The following NCAPG2 variants were observed in gnomAD, a reference collection of about 807,000 sequenced individuals.
NCAPG2 encodes non-SMC condensin II complex subunit G2.
A neutral mutation model predicts 141.1 loss-of-function variants in NCAPG2; 53 were observed. That is an observed-to-expected ratio of 0.38 (90% confidence interval 0.30 to 0.47). The LOEUF (loss-of-function observed/expected upper bound fraction) is 0.47. Ranked by LOEUF, NCAPG2 falls within the 20% of genes least tolerant of loss-of-function variation. The pLI, the probability that NCAPG2 is intolerant of heterozygous loss-of-function variation, is 0.99. For synonymous variants in NCAPG2, 499 were observed against 490.7 expected, an observed-to-expected ratio of 1.02 and a Z score of -0.22; for missense variants, 1,087 against 1,389.0, an observed-to-expected ratio of 0.78 and a Z score of 3.46.
At chr7:158,638,399 C>T (rs1470603616) in intron 27 of NCAPG2, among the ~76,000 whole-genome samples, 2 of 151,972 alleles carry the variant, frequency 1.3e-5, no homozygotes, top group South Asian at 2.1e-4. Context: ...GCTACCACAC[C>T]TGTCTAATAT....
intron 24 of NCAPG2, 81 bp from the exon 25 acceptor site, chr7:158,646,644 A>G: frequency 1.1e-6 from 1 of 878,482 alleles, no homozygotes; most frequent in Non-Finnish European, 1.7e-6. Context: ...GGTTTTCTTC[A>G]ACACCTAAGA....
At chr7:158,689,571 T>C (rs1354487446) in intron 6 of NCAPG2, among the ~76,000 whole-genome samples, 3 of 152,384 alleles carry the variant, frequency 2.0e-5, no homozygotes, top group South Asian at 4.1e-4. Context: ...ATTCTTAATT[T>C]AAAATGTAAT....
chr7:158,676,067 C>A (rs766701882), intron 11 of NCAPG2, among the ~76,000 whole-genome samples: 1 of 152,150 alleles, frequency 6.6e-6, no homozygotes, highest in Non-Finnish European at 1.5e-5. Flanking sequence ...AGGCCATGAT[C>A]GTCAGTGGTA....
intron 16 of NCAPG2, among the ~76,000 whole-genome samples, chr7:158,659,294 A>G (rs947565847): frequency 1.4e-5 from 2 of 142,990 alleles, no homozygotes; most frequent in Non-Finnish European, 3.0e-5. Context: ...GTGCCACTGC[A>G]CTCCAGCCTG....
intron 27 of NCAPG2, chr7:158,640,302 G>A (rs1193008087): frequency 6.6e-6 from 1 of 152,204 alleles, no homozygotes; most frequent in Non-Finnish European, 1.5e-5. Flanking sequence ...TTGAGAAGCT[G>A]AGGCGAGTAG....
chr7:158,691,821 T>C lies in NCAPG2; in HGVS notation c.382+1021A>G, dbSNP rs548351467. On this transcript the variant is annotated intron_variant, in intron 4 of 27. Coordinates refer to ENST00000356309, the MANE Select transcript of NCAPG2 (RefSeq NM_017760.7). ...GTTCACAACATACTTTAAGAAAAAA[T>C]TCAGTGTCACAAATTCTTAGTTAAG... 3.1e-4 allele frequency among the ~76,000 whole-genome samples: 47 copies of C among 152,276 alleles called. 2 individuals carry two copies. In the South Asian group the frequency reaches 9.3e-3, roughly 30 times the overall value.
intron 15 of NCAPG2, among the ~76,000 whole-genome samples, chr7:158,663,477 T>C (rs1480728496): frequency 6.6e-6 from 1 of 152,108 alleles, no homozygotes; most frequent in Non-Finnish European, 1.5e-5. Flanking sequence ...TGGTGGGAGA[T>C]GGAGGAGAAA....
At position 158,640,532 on chromosome 7, in the gene NCAPG2, C is replaced by CA. The variant is rs541066321; in HGVS notation, c.3380+3756dup. Reference sequence around the variant, plus strand: ...TAGGCAACAGAGCAAGACTCTGTCTCAAAAAATAATAATAATAAATTAAAT... The same window carrying CA: ...TAGGCAACAGAGCAAGACTCTGTCTCAAAAAAATAATAATAATAAATTAAAT... On this transcript the variant is annotated intron_variant, in intron 27 of 27. Transcript: ENST00000356309. 2.2e-4 allele frequency: 33 copies of CA among 151,896 alleles called. No homozygotes were observed. In the East Asian group the frequency reaches 5.4e-3, roughly 25 times the overall value. 9.4% of individuals were successfully genotyped at this position (151,896 alleles called of 1,614,324 possible).
At chr7:158,689,708 C>T in intron 6 of NCAPG2, 111 bp downstream of exon 6, 1 of 999,984 alleles carries the variant, frequency 1.0e-6, no homozygotes, top group South Asian at 2.7e-5. Flanking sequence ...TAAATAGCTC[C>T]TGGTAGCTAA....
At position 158,675,582 on chromosome 7, in the gene NCAPG2, G is replaced by A; in HGVS notation, c.1221C>T (p.Tyr407=). Residue 407 remains tyrosine (Y), a synonymous_variant, in exon 12 of 28, where the codon TAC becomes TAT. Coordinates refer to ENST00000356309, the MANE Select transcript of NCAPG2 (RefSeq NM_017760.7). ...ILGVCKITSK[Y]WEMMPPTILI... The stretch of plus-strand genomic sequence containing the variant: ...GAATGGTCGGGGGCATCATTTCCCA[G>A]TACTTAGAAGTTATTTTACAAACAC... The A allele has an allele frequency of 6.2e-7, 1 of 1,613,728 alleles. No homozygotes were observed. Among genetic ancestry groups the A allele is most frequent in the South Asian group, 1.1e-5 (1 of 90,952 alleles).
At chr7:158,660,097 GAA>G (rs1253820297) in intron 16 of NCAPG2, among the ~76,000 whole-genome samples, 9 of 118,442 alleles carry the variant, frequency 7.6e-5, no homozygotes, top group East Asian at 2.4e-4. Context: ...GACAGAGCGA[GAA>G]AAAAAAAAAA....
chr7:158,686,175 C>T lies in NCAPG2; in HGVS notation c.834G>A (p.Leu278=). ...ACATTTAAAAAAATGAAAATACCTC[C>T]AGTATTTTCCCTGAAGCCTTTTTCC... is the stretch of plus-strand genomic sequence containing the variant. The part of the protein sequence containing the change: ...RAWKKASGKI[L]EAIENDCIQD... The change falls in exon 8 of 28, where the codon CTG becomes CTA. Residue 278 remains leucine, a synonymous_variant. Transcript: ENST00000356309. 1 of 1,542,632 alleles carries T rather than the reference C, an allele frequency of 6.5e-7. No individual in the cohort carries two copies. Among genetic ancestry groups the T allele is most frequent in the East Asian group, 2.3e-5 (1 of 43,032 alleles).
chr7:158,701,769 A>G, intron 2 of NCAPG2, 53 bp downstream of exon 2: 2 of 1,447,216 alleles, frequency 1.4e-6, no homozygotes, highest in Non-Finnish European at 1.9e-6. Flanking sequence ...ACTTTAGAAC[A>G]TATTTCATAT....
chr7:158,651,021 T>C (rs199789616), intron 23 of NCAPG2, 49 bp from the exon 24 acceptor site: 4 of 1,514,356 alleles, frequency 2.6e-6, no homozygotes, highest in Non-Finnish European at 3.5e-6. Flanking sequence ...ACCATGGTTT[T>C]GAAAAAAACA....
At chr7:158,686,054 T>G in intron 8 of NCAPG2, 118 bp downstream of exon 8, 1 of 583,138 alleles carries the variant, frequency 1.7e-6, no homozygotes, top group Non-Finnish European at 2.9e-6. Context: ...TTTTCATTAT[T>G]TGGCTTTATT....
chr7:158,677,531 A>AAAAAAAAAAAAAG (rs1834158181), intron 11 of NCAPG2, among the ~76,000 whole-genome samples: 1 of 45,346 alleles, frequency 2.2e-5, no homozygotes, highest in African/African-American at 8.0e-5. Flanking sequence ...AAAGCAAAAA[A>AAAAAAAAAAAAAG]AAAAAAAAAA....
chr7:158,646,404 G>T, intron 25 of NCAPG2, 56 bp downstream of exon 25: 1 of 1,302,612 alleles, frequency 7.7e-7, no homozygotes, highest in Non-Finnish European at 1.1e-6. Flanking sequence ...AACAAAAGCT[G>T]CTGAGCGCTT....
chr7:158,691,754 A>G (rs555950849), intron 4 of NCAPG2, among the ~76,000 whole-genome samples: 2 of 152,358 alleles, frequency 1.3e-5, no homozygotes, highest in African/African-American at 4.8e-5. Context: ...ATTTCAATAC[A>G]GTAAAACTCC....
intron 12 of NCAPG2, among the ~76,000 whole-genome samples, chr7:158,672,841 GC>G (rs1833833683): frequency 6.6e-6 from 1 of 152,044 alleles, no homozygotes; most frequent in Non-Finnish European, 1.5e-5. Flanking sequence ...AGCCCCTGTA[GC>G]CCCTGCCATA....
Sources: gnomAD v4.1 joint callset for allele counts (sites outside exome capture counted in the v4.1 genomes callset) on GRCh38, gnomAD v4.1.1 for gene constraint, MANE v1.5 for transcripts, NCBI Gene and HGNC (gene_info 2026-07-23, HGNC 2026-07-21) for gene names.